PCDH15: variants seen among roughly 807,000 people sequenced by gnomAD.
PCDH15 encodes protocadherin related 15.
PCDH15 carries 129 observed loss-of-function variants against 178.5 expected under a neutral mutation model. The observed-to-expected ratio is 0.72, with a 90% CI of 0.63 to 0.84. PCDH15 has a LOEUF of 0.84. Ranked by LOEUF, PCDH15 falls within the 40% of genes least tolerant of loss-of-function variation. PCDH15 has a pLI of 0.00. For missense variants in PCDH15, 2,230 were observed against 2,099.9 expected (o/e 1.06, Z -1.21); for synonymous variants, 800 against 732.0 (o/e 1.09, Z -1.50).
chr10:55,500,340 A>G (rs1226277725), intron 2 of PCDH15, among the ~76,000 whole-genome samples: 2 of 149,372 alleles, frequency 1.3e-5, no homozygotes, highest in Admixed American at 1.3e-4. Flanking sequence ...ATGAAACAGT[A>G]TATTATCTTA....
rs1841123271 is a variant in PCDH15, at chr10:53,805,948, T to C, written c.*631A>G. 1 of 152,080 alleles carries C rather than the reference T, an allele frequency of 6.6e-6. No homozygotes were observed. The highest frequency in any genetic ancestry group is 1.5e-5 in the Non-Finnish European group (1 of 68,016). 9.4% of individuals were successfully genotyped at this position (152,080 alleles called of 1,614,324 possible). ...TGATAAAAAGACATACGACTTCAAGTGGTTTCCTAAAGGGTCAAGATATAA... is the reference window on the plus strand; with the variant it reads ...TGATAAAAAGACATACGACTTCAAGCGGTTTCCTAAAGGGTCAAGATATAA... On this transcript the variant is annotated 3_prime_UTR_variant, in exon 38 of 38. Coordinates refer to ENST00000644397, the MANE Select transcript of PCDH15 (RefSeq NM_001384140.1).
chr10:54,044,343 T>A (rs1038647992), intron 18 of PCDH15, among the ~76,000 whole-genome samples: 1 of 152,100 alleles, frequency 6.6e-6, no homozygotes, highest in Non-Finnish European at 1.5e-5. Context: ...AGTGGGCATT[T>A]TAGCATGGAT....
At chr10:55,304,704 C>T (rs1454457078) in intron 1 of PCDH15, among the ~76,000 whole-genome samples, 1 of 152,132 alleles carries the variant, frequency 6.6e-6, no homozygotes, top group Non-Finnish European at 1.5e-5. Context: ...CACTGAGCTA[C>T]TCAGTTTGAA....
intron 3 of PCDH15, among the ~76,000 whole-genome samples, chr10:54,873,045 G>A (rs910658599): frequency 1.3e-5 from 2 of 152,012 alleles, no homozygotes; most frequent in Middle Eastern, 3.2e-3. Context: ...TTCTACAGGT[G>A]ACGAATTCCA....
At chr10:55,173,339 G>GTT (rs1839391924) in intron 1 of PCDH15, among the ~76,000 whole-genome samples, 2 of 145,382 alleles carry the variant, frequency 1.4e-5, no homozygotes, top group Non-Finnish European at 3.0e-5. Flanking sequence ...GTGTGTGTGT[G>GTT]TGTGTGTATG....
chr10:54,661,034 G>A (rs1310536800), intron 2 of PCDH15, among the ~76,000 whole-genome samples: 1 of 151,478 alleles, frequency 6.6e-6, no homozygotes, highest in African/African-American at 2.4e-5. Context: ...ACAAGACAAG[G>A]ATGGCCACTC....
At chr10:54,874,395 C>A (rs1430247209) in intron 3 of PCDH15, among the ~76,000 whole-genome samples, 1 of 149,256 alleles carries the variant, frequency 6.7e-6, no homozygotes, top group Non-Finnish European at 1.5e-5. Context: ...GGGTTGGTTC[C>A]AAGTCTTTGC....
At chr10:54,878,680 T>C (rs562913096) in intron 3 of PCDH15, among the ~76,000 whole-genome samples, 1 of 152,326 alleles carries the variant, frequency 6.6e-6, no homozygotes, top group African/African-American at 2.4e-5. Context: ...TTCTTTAATT[T>C]TTAAGTTCTG....
chr10:54,612,904 T>G (rs2093009382), intron 2 of PCDH15, among the ~76,000 whole-genome samples: 1 of 151,776 alleles, frequency 6.6e-6, no homozygotes, highest in Middle Eastern at 3.2e-3. Flanking sequence ...AAAATAAATT[T>G]TAAGGCAATA....
chr10:53,975,051 G>A (rs564740024), intron 21 of PCDH15, among the ~76,000 whole-genome samples: 2 of 152,266 alleles, frequency 1.3e-5, no homozygotes, highest in East Asian at 3.9e-4. Flanking sequence ...TTCTGTTCCT[G>A]CATTAATTCA....
intron 3 of PCDH15, among the ~76,000 whole-genome samples, chr10:54,853,208 C>G (rs140106862): frequency 6.8e-6 from 1 of 146,618 alleles, no homozygotes; most frequent in East Asian, 2.0e-4. Flanking sequence ...TGTAGTGAGC[C>G]GAGATTACAC....
chr10:54,535,215 T>C (rs2132819505), intron 2 of PCDH15, among the ~76,000 whole-genome samples: 1 of 152,356 alleles, frequency 6.6e-6, no homozygotes, highest in East Asian at 1.9e-4. Flanking sequence ...TGTCTAGTAA[T>C]ATCCACCAAA....
At chr10:54,226,385 C>T (rs1442344856) in intron 9 of PCDH15, among the ~76,000 whole-genome samples, 6 of 152,128 alleles carry the variant, frequency 3.9e-5, no homozygotes, top group Non-Finnish European at 7.3e-5. Flanking sequence ...ATGGTCCCTC[C>T]CACAACATGT....
At chr10:55,339,117 T>C (rs1467996303) in intron 2 of PCDH15, among the ~76,000 whole-genome samples, 1 of 152,132 alleles carries the variant, frequency 6.6e-6, no homozygotes, top group Non-Finnish European at 1.5e-5. Context: ...CTATTATGTA[T>C]TTTAAAATAC....
chr10:54,601,719 A>G (rs115466763), intron 2 of PCDH15, among the ~76,000 whole-genome samples: 1,919 of 152,088 alleles, frequency 0.013, 44 homozygotes, highest in African/African-American at 0.044. Context: ...TGATTGATGT[A>G]TTATAAAGAC....
intron 2 of PCDH15, among the ~76,000 whole-genome samples, chr10:54,628,398 T>C (rs1471622734): frequency 6.6e-6 from 1 of 152,230 alleles, no homozygotes; most frequent in Non-Finnish European, 1.5e-5. Context: ...TTCAGTGACT[T>C]TTCCTCTCAC....
In PCDH15 at chr10:53,815,400, T is replaced by TATC. The variant is rs1478799974; in HGVS notation, c.4491+836_4491+838dup. 2.0e-5 allele frequency among the ~76,000 whole-genome samples: 3 copies of TATC among 152,304 alleles called. No individual in the cohort carries two copies. In the East Asian group the frequency reaches 5.8e-4, roughly 29 times the overall value. On this transcript the variant is annotated intron_variant, in intron 35 of 37. Coordinates refer to ENST00000644397, the MANE Select transcript of PCDH15 (RefSeq NM_001384140.1). The stretch of plus-strand genomic sequence containing the variant: ...ATGAAATTGATGTTCAGCAGATGTG[T>TATC]ATCTTGACTAAGGTCTTGCATAAAG...
rs1273823602 is a variant in PCDH15 at position 54,486,891 on chromosome 10, C to A, written c.157+40921G>T. Among the ~76,000 whole-genome samples the A allele has an allele frequency of 2.6e-5, 4 of 152,032 alleles. No individual in the cohort carries two copies. In the South Asian group the frequency reaches 8.3e-4, roughly 32 times the overall value. On this transcript the variant is annotated intron_variant, in intron 3 of 37. Transcript: ENST00000644397. Reference sequence around the variant, plus strand: ...TTCCAGTTTAAGCAGCCATTATAGACCATGAGATTAAGGATTAGACCGTGG... The same window carrying A: ...TTCCAGTTTAAGCAGCCATTATAGAACATGAGATTAAGGATTAGACCGTGG...
At chr10:54,402,529 G>A (rs1413463857) in intron 3 of PCDH15, among the ~76,000 whole-genome samples, 1 of 151,810 alleles carries the variant, frequency 6.6e-6, no homozygotes, top group Admixed American at 6.6e-5. Flanking sequence ...AAAGTTTGAA[G>A]ATTTGTGGCA....
Sources: gnomAD v4.1 joint callset for allele counts (sites outside exome capture counted in the v4.1 genomes callset) on GRCh38, gnomAD v4.1.1 for gene constraint, MANE v1.5 for transcripts, NCBI Gene and HGNC (gene_info 2026-07-23, HGNC 2026-07-21) for gene names.